Variants in FLRT1 observed in about 807,000 individuals in gnomAD.
The protein encoded by FLRT1 is fibronectin leucine rich transmembrane protein 1, also known as leucine-rich repeat transmembrane protein FLRT1.
In FLRT1, 14 loss-of-function variants were observed where a neutral mutation model predicts 30.9. That is an observed-to-expected ratio of 0.45 (90% CI 0.30 to 0.71). FLRT1 has a LOEUF of 0.71. Ranked by LOEUF, FLRT1 falls within the 30% of genes least tolerant of loss-of-function variation. FLRT1 has a pLI of 0.08. For missense variants in FLRT1, 737 were observed against 949.2 expected (o/e 0.78, Z 2.94); for synonymous variants, 368 against 430.4 (o/e 0.85, Z 1.80).
At chr11:64,054,202 C>A (rs1057479748) in intron 1 of FLRT1, among the ~76,000 whole-genome samples, 3 of 152,178 alleles carry the variant, frequency 2.0e-5, no homozygotes, top group Non-Finnish European at 4.4e-5. Context: ...TCCCTGGGGA[C>A]GTCTTTAGGT....
intron 1 of FLRT1, among the ~76,000 whole-genome samples, chr11:64,041,906 G>T (rs1046101004): frequency 3.9e-5 from 6 of 152,210 alleles, no homozygotes; most frequent in African/African-American, 1.4e-4. Context: ...TAAAGCACAG[G>T]AGTGAGATTC....
chr11:64,042,620 C>G (rs1166762135), intron 1 of FLRT1, among the ~76,000 whole-genome samples: 1 of 152,124 alleles, frequency 6.6e-6, no homozygotes, highest in Non-Finnish European at 1.5e-5. Flanking sequence ...CTTGGAAGCC[C>G]TTCCCTGCCT....
At chr11:64,115,860 GAA>G (rs1383932263) in intron 2 of FLRT1, among the ~76,000 whole-genome samples, 6 of 152,224 alleles carry the variant, frequency 3.9e-5, no homozygotes, top group Non-Finnish European at 5.9e-5. Context: ...GGCTTTGTGT[GAA>G]GTCTTGAGAG....
chr11:64,047,897 CAAAA>C (rs35010371), intron 1 of FLRT1, among the ~76,000 whole-genome samples: 3 of 89,156 alleles, frequency 3.4e-5, no homozygotes, highest in Admixed American at 1.2e-4. Flanking sequence ...AACTCCGTCT[CAAAA>C]AAAAAAAAAA....
At chr11:64,089,345 C>T (rs1011775163) in intron 1 of FLRT1, among the ~76,000 whole-genome samples, 5 of 152,162 alleles carry the variant, frequency 3.3e-5, no homozygotes, top group African/African-American at 9.7e-5. Flanking sequence ...GACCCAAACT[C>T]GGTCAAAATA....
At chr11:64,072,161 G>C (rs567130200) in intron 1 of FLRT1, among the ~76,000 whole-genome samples, 2 of 152,340 alleles carry the variant, frequency 1.3e-5, no homozygotes, top group African/African-American at 4.8e-5. Context: ...GGGAGCTGTG[G>C]CTGGGCCTGG....
chr11:64,058,512 C>T (rs1943834901), intron 1 of FLRT1, among the ~76,000 whole-genome samples: 1 of 152,270 alleles, frequency 6.6e-6, no homozygotes, highest in Non-Finnish European at 1.5e-5. Context: ...TGCCTCATGC[C>T]TTTTGGAAGG....
rs1030256478 is a variant in FLRT1, at chr11:64,067,487, T to C, written c.-1038+31328T>C. Reference sequence around the variant, plus strand: ...AGCTCAGATAACAGAAGGGAGGAGATAGGTCGGGGACGGGGACAGACGGCA... The same window carrying C: ...AGCTCAGATAACAGAAGGGAGGAGACAGGTCGGGGACGGGGACAGACGGCA... On this transcript the variant is annotated intron_variant, in intron 1 of 2. Coordinates refer to ENST00000682287, the MANE Select transcript of FLRT1 (RefSeq NM_013280.5). This position sits in a 1 kb window ranked among gnomAD's most constrained non-coding sequence, Gnocchi z 4.6. Among the ~76,000 whole-genome samples the C allele has an allele frequency of 6.6e-6, 1 of 151,846 alleles. No homozygotes were observed. Among genetic ancestry groups the C allele is most frequent in the Non-Finnish European group, 1.5e-5 (1 of 67,920 alleles).
At chr11:64,043,396 G>T (rs1368072620) in intron 1 of FLRT1, among the ~76,000 whole-genome samples, 1 of 152,214 alleles carries the variant, frequency 6.6e-6, no homozygotes, top group Non-Finnish European at 1.5e-5. Flanking sequence ...GAGGTCTGGG[G>T]CCCATGCAGT....
intron 1 of FLRT1, among the ~76,000 whole-genome samples, chr11:64,056,922 C>T (rs1251248822): frequency 6.6e-6 from 1 of 152,184 alleles, no homozygotes; most frequent in Non-Finnish European, 1.5e-5. Flanking sequence ...CGGGCTGACA[C>T]TGCCACAGGA....
At chr11:64,092,093 A>G (rs903874880) in intron 1 of FLRT1, among the ~76,000 whole-genome samples, 1 of 152,130 alleles carries the variant, frequency 6.6e-6, no homozygotes, top group African/African-American at 2.4e-5. Context: ...TGGTGTATTC[A>G]AAAGGCCACC....
intron 2 of FLRT1, among the ~76,000 whole-genome samples, chr11:64,110,314 G>A (rs1944838421): frequency 2.6e-5 from 4 of 152,044 alleles, no homozygotes. Context: ...GCTGGGTGTG[G>A]TGGTGCAGCA....
In FLRT1 at chr11:64,117,801, A is replaced by C; in HGVS notation, c.1534A>C (p.Thr512Pro). Residue 512 changes from threonine to proline, a missense_variant, in exon 3 of 3, where the codon ACC (threonine) becomes CCC (proline). Thr to Pro is a conservative substitution (Grantham distance 38). Transcript: ENST00000682287. Reference protein sequence around the residue: ...TYIICMVTMETSNAYVADETP... With the variant: ...TYIICMVTMEPSNAYVADETP... ...CATCATCTGCATGGTCACCATGGAGACCAGCAATGCCTACGTAGCTGATGA... is the reference window on the plus strand; with the variant it reads ...CATCATCTGCATGGTCACCATGGAGCCCAGCAATGCCTACGTAGCTGATGA... 7 of 1,614,154 alleles carry C rather than the reference A, an allele frequency of 4.3e-6. No homozygotes were observed. The highest frequency in any genetic ancestry group is 5.9e-6 in the Non-Finnish European group (7 of 1,180,042).
intron 1 of FLRT1, among the ~76,000 whole-genome samples, chr11:64,063,986 G>A (rs993869955): frequency 6.6e-6 from 1 of 152,132 alleles, no homozygotes; most frequent in African/African-American, 2.4e-5. Context: ...TCCGAGTGAC[G>A]GCTCCTCTTG....
At chr11:64,109,912 C>T (rs985832999) in intron 2 of FLRT1, among the ~76,000 whole-genome samples, 11 of 152,016 alleles carry the variant, frequency 7.2e-5, no homozygotes, top group East Asian at 5.8e-4. Context: ...GCCACTGGAG[C>T]GCGGAGGACA....
At position 64,067,479 on chromosome 11, in the gene FLRT1, G is replaced by A. The variant is rs900067637; in HGVS notation, c.-1038+31320G>A. Among the ~76,000 whole-genome samples, 1 of 152,258 alleles carries A rather than the reference G, an allele frequency of 6.6e-6. No individual in the cohort carries two copies. Among genetic ancestry groups the A allele is most frequent in the South Asian group, 2.1e-4 (1 of 4,830 alleles). ...AGACGCCCAGCTCAGATAACAGAAG[G>A]GAGGAGATAGGTCGGGGACGGGGAC... On this transcript the variant is annotated intron_variant, in intron 1 of 2. Transcript: ENST00000682287. The surrounding 1 kb of genome is among the most constrained non-coding windows in gnomAD (Gnocchi z 4.6).
At chr11:64,044,251 CT>C (rs34174027) in intron 1 of FLRT1, among the ~76,000 whole-genome samples, 491 of 140,308 alleles carry the variant, frequency 3.5e-3, no homozygotes, top group Admixed American at 4.6e-3. Context: ...CCCCCAACAA[CT>C]TTTTTTTTTT....
At chr11:64,049,666 G>A (rs939281453) in intron 1 of FLRT1, among the ~76,000 whole-genome samples, 1 of 152,214 alleles carries the variant, frequency 6.6e-6, no homozygotes, top group Non-Finnish European at 1.5e-5. Flanking sequence ...GACGCTGGGG[G>A]TGCAGACAGA....
rs71045731 is a variant in FLRT1, at chr11:64,064,843, C to CTCATTCATTCAT, written c.-1038+28706_-1038+28717dup. 8.6e-5 allele frequency among the ~76,000 whole-genome samples: 13 copies of CTCATTCATTCAT among 150,448 alleles called. 1 individual carries two copies. Among genetic ancestry groups the CTCATTCATTCAT allele is most frequent in the South Asian group, 6.4e-4 (3 of 4,690 alleles). Reference sequence around the variant, plus strand: ...CAAGAGGCTAGAGTTTCACAAGGACCTCATTCATTCATTCATTCATTCATT... The same window carrying CTCATTCATTCAT: ...CAAGAGGCTAGAGTTTCACAAGGACCTCATTCATTCATTCATTCATTCATTCATTCATTCATT... On this transcript the variant is annotated intron_variant, in intron 1 of 2. Coordinates refer to ENST00000682287, the MANE Select transcript of FLRT1 (RefSeq NM_013280.5). The surrounding 1 kb of genome is among the most constrained non-coding windows in gnomAD (Gnocchi z 4.5).
Sources: allele counts gnomAD v4.1 joint callset (sites outside exome capture counted in the v4.1 genomes callset), GRCh38; gene constraint gnomAD v4.1.1; non-coding constraint Gnocchi (gnomAD v3.1); transcripts MANE v1.5; gene names NCBI Gene and HGNC (gene_info 2026-07-23, HGNC 2026-07-21).